ZNF385B: variants seen among roughly 807,000 people sequenced by gnomAD.
ZNF385B encodes the protein zinc finger protein 533.
ZNF385B carries 23 observed loss-of-function variants against 39.2 expected under a neutral mutation model. The ratio of observed to expected loss-of-function variants is 0.59; its 90% CI spans 0.42 to 0.83. The LOEUF (loss-of-function observed/expected upper bound fraction) is 0.83. Ranked by LOEUF, ZNF385B falls within the 40% of genes least tolerant of loss-of-function variation. ZNF385B has a pLI of 0.00. For missense variants in ZNF385B, 552 were observed against 598.9 expected, an observed-to-expected ratio of 0.92 and a Z score of 0.82; for synonymous variants, 205 against 222.6, an observed-to-expected ratio of 0.92 and a Z score of 0.70.
At chr2:179,711,929 C>T (rs916983485) in intron 3 of ZNF385B, among the ~76,000 whole-genome samples, 23 of 117,986 alleles carry the variant, frequency 1.9e-4, no homozygotes, top group African/African-American at 5.7e-4. Flanking sequence ...CAGTTCTGTT[C>T]GGCCTACTGC....
At chr2:179,682,553 A>T (rs1697599775) in intron 3 of ZNF385B, among the ~76,000 whole-genome samples, 1 of 152,178 alleles carries the variant, frequency 6.6e-6, no homozygotes, top group African/African-American at 2.4e-5. Context: ...CTGTCTCTGA[A>T]CAAATTTATG....
intron 3 of ZNF385B, among the ~76,000 whole-genome samples, chr2:179,587,322 T>TGAATAAAAATGAGAGAG (rs1687167731): frequency 6.6e-6 from 1 of 152,204 alleles, no homozygotes; most frequent in Non-Finnish European, 1.5e-5. Context: ...CTAAAACATA[T>TGAATAAAAATGAGAGAG]GAATAAAAAT....
intron 4 of ZNF385B, among the ~76,000 whole-genome samples, chr2:179,528,296 T>C (rs1441423946): frequency 1.3e-5 from 2 of 152,136 alleles, no homozygotes; most frequent in Non-Finnish European, 2.9e-5. Flanking sequence ...AGAAGAAAGG[T>C]AAACTAAAGT....
chr2:179,741,978 A>G (rs1266477857), intron 3 of ZNF385B, among the ~76,000 whole-genome samples: 1 of 152,150 alleles, frequency 6.6e-6, no homozygotes, highest in Non-Finnish European at 1.5e-5. Flanking sequence ...CTTAACTACA[A>G]CAAAACAAAA....
intron 3 of ZNF385B, among the ~76,000 whole-genome samples, chr2:179,590,515 C>T (rs1185661873): frequency 2.0e-5 from 3 of 152,122 alleles, no homozygotes; most frequent in African/African-American, 7.2e-5. Context: ...TCTTTTTCTG[C>T]ACTCCTGAGA....
At chr2:179,446,446 A>C (rs992105022) in intron 7 of ZNF385B, 79 bp downstream of exon 7, 63 of 1,528,464 alleles carry the variant, frequency 4.1e-5, no homozygotes, top group Non-Finnish European at 5.4e-5. Flanking sequence ...AGGTCTGAAC[A>C]ACAAAAGATA....
intron 1 of ZNF385B, among the ~76,000 whole-genome samples, chr2:179,802,995 G>A (rs141931943): frequency 3.3e-5 from 5 of 152,152 alleles, no homozygotes; most frequent in Admixed American, 2.6e-4. Flanking sequence ...TACATGTCAC[G>A]TGCTTTAACA....
intron 1 of ZNF385B, among the ~76,000 whole-genome samples, chr2:179,774,341 G>C (rs1198402764): frequency 6.6e-6 from 1 of 151,846 alleles, no homozygotes; most frequent in Admixed American, 6.6e-5. Context: ...TGTGAACACA[G>C]TAACCAAGGT....
In ZNF385B at chr2:179,769,496, C is replaced by T; in HGVS notation, c.298+7G>A. ...CAGCACATGGAACCCGGGACCCTGC[C>T]TCCTACCTGTGCTGCTGTTGCTGCT... On this transcript the variant is annotated splice_region_variant and intron_variant, in intron 3 of 9. Transcript: ENST00000410066. The T allele has an allele frequency of 6.2e-7, 1 of 1,613,248 alleles. No homozygotes were observed. The highest frequency in any genetic ancestry group is 8.5e-7 in the Non-Finnish European group (1 of 1,179,782).
chr2:179,569,091 C>G (rs1684919071), intron 3 of ZNF385B, among the ~76,000 whole-genome samples: 1 of 152,072 alleles, frequency 6.6e-6, no homozygotes, highest in Non-Finnish European at 1.5e-5. Context: ...TTGCTATTAC[C>G]TGCATTCTCT....
chr2:179,829,513 CT>C (rs898443923), intron 1 of ZNF385B, among the ~76,000 whole-genome samples: 7 of 151,324 alleles, frequency 4.6e-5, no homozygotes, highest in Non-Finnish European at 8.8e-5. Context: ...TTGGATATGA[CT>C]TTTTTTTTCT....
chr2:179,607,486 TCC>T (rs1437133114), intron 3 of ZNF385B, among the ~76,000 whole-genome samples: 1 of 152,146 alleles, frequency 6.6e-6, no homozygotes, highest in Non-Finnish European at 1.5e-5. Context: ...TCCTGAGGCC[TCC>T]CCAGCCATGT....
intron 6 of ZNF385B, among the ~76,000 whole-genome samples, chr2:179,471,827 A>C (rs2052804837): frequency 6.6e-6 from 1 of 152,236 alleles, no homozygotes; most frequent in South Asian, 2.1e-4. Context: ...TGGCACAAAC[A>C]GAGGTTAAGA....
chr2:179,679,337 A>T (rs767971316), intron 3 of ZNF385B, among the ~76,000 whole-genome samples: 2 of 152,202 alleles, frequency 1.3e-5, no homozygotes, highest in Non-Finnish European at 2.9e-5. Flanking sequence ...GCCTAATGAC[A>T]TATTTCACAG....
chr2:179,629,826 T>C (rs1691027423), intron 3 of ZNF385B, among the ~76,000 whole-genome samples: 1 of 152,208 alleles, frequency 6.6e-6, no homozygotes, highest in African/African-American at 2.4e-5. Flanking sequence ...ACTGCGCTTT[T>C]CCCAAGGTCT....
intron 3 of ZNF385B, among the ~76,000 whole-genome samples, chr2:179,577,460 A>G (rs1685967822): frequency 6.6e-6 from 1 of 152,016 alleles, no homozygotes; most frequent in Non-Finnish European, 1.5e-5. Context: ...CTTCTGTAAG[A>G]CCCATTATTG....
chr2:179,708,570 C>T (rs906156216), intron 3 of ZNF385B, among the ~76,000 whole-genome samples: 7 of 152,186 alleles, frequency 4.6e-5, no homozygotes, highest in African/African-American at 9.7e-5. Context: ...GGGAAGACCG[C>T]TACCAAAACC....
intron 3 of ZNF385B, among the ~76,000 whole-genome samples, chr2:179,548,408 G>GGTTTGTTT (rs34315008): frequency 2.0e-5 from 3 of 148,298 alleles, no homozygotes; most frequent in Non-Finnish European, 4.5e-5. Flanking sequence ...TGGCATGTAA[G>GGTTTGTTT]GTTTGTTTGT....
intron 3 of ZNF385B, among the ~76,000 whole-genome samples, chr2:179,577,285 T>C (rs543036762): frequency 2.9e-4 from 44 of 152,236 alleles, no homozygotes; most frequent in African/African-American, 9.4e-4. Context: ...TCTGAGATGC[T>C]AGAATAATAT....
Sources: allele counts gnomAD v4.1 joint callset (sites outside exome capture counted in the v4.1 genomes callset), GRCh38; gene constraint gnomAD v4.1.1; transcripts MANE v1.5; gene names NCBI Gene and HGNC (gene_info 2026-07-23, HGNC 2026-07-21).